Variants in GPATCH2 observed in about 807,000 individuals in gnomAD.
GPATCH2 encodes G patch domain-containing protein 2.
In GPATCH2, 51 loss-of-function variants were observed where a neutral mutation model predicts 58.0. That is an observed-to-expected ratio of 0.88 (90% CI 0.70 to 1.11). The LOEUF is 1.11. Ranked by LOEUF, GPATCH2 falls within the 50% of genes most tolerant of loss-of-function variation. GPATCH2 has a pLI of 0.00. For missense variants in GPATCH2, 625 were observed against 652.2 expected, an observed-to-expected ratio of 0.96 and a Z score of 0.45; for synonymous variants, 222 against 218.5, an observed-to-expected ratio of 1.02 and a Z score of -0.14.
intron 8 of GPATCH2, among the ~76,000 whole-genome samples, chr1:217,474,584 C>T (rs1660888669): frequency 6.6e-6 from 1 of 152,174 alleles, no homozygotes; most frequent in East Asian, 1.9e-4. Context: ...GTGAGATGTC[C>T]TACATTCCAA....
intron 8 of GPATCH2, among the ~76,000 whole-genome samples, chr1:217,469,555 C>T (rs1353409474): frequency 6.6e-6 from 1 of 152,022 alleles, no homozygotes; most frequent in Non-Finnish European, 1.5e-5. Context: ...ACTCTTAAGA[C>T]ATTATCTTGC....
rs548474065 is a variant in GPATCH2 at position 217,510,723 on chromosome 1, C to T, written c.1166+4099G>A. Among the ~76,000 whole-genome samples the T allele has an allele frequency of 3.9e-5, 6 of 152,108 alleles. No individual in the cohort carries two copies. The South Asian group carries it at 6.2e-4, about 16-fold the overall frequency. ...AGTCATTTGATTATTTAAACACTTTCGGAGTTTTGTGCCCAAAGTCACAAA... is the reference window on the plus strand; with the variant it reads ...AGTCATTTGATTATTTAAACACTTTTGGAGTTTTGTGCCCAAAGTCACAAA... On this transcript the variant is annotated intron_variant, in intron 6 of 9. Transcript: ENST00000366935.
intron 1 of GPATCH2, among the ~76,000 whole-genome samples, chr1:217,623,553 T>G (rs184968928): frequency 5.3e-4 from 81 of 152,214 alleles, no homozygotes; most frequent in African/African-American, 1.9e-3. Context: ...TAGAATCTCA[T>G]GAAAACTGTG....
chr1:217,595,557 T>C (rs1010027369), intron 5 of GPATCH2, among the ~76,000 whole-genome samples: 1 of 151,928 alleles, frequency 6.6e-6, no homozygotes, highest in Non-Finnish European at 1.5e-5. Flanking sequence ...TGGAGTGCAA[T>C]GCTGCGATCT....
rs185307395 is a variant in GPATCH2, at chr1:217,461,962, C to T, written c.1278-12625G>A. 3.3e-5 allele frequency among the ~76,000 whole-genome samples: 5 copies of T among 152,112 alleles called. No homozygotes were observed. The East Asian group carries it at 7.7e-4, about 24-fold the overall frequency. On this transcript the variant is annotated intron_variant, in intron 8 of 9. Transcript: ENST00000366935. ...ACTGTAATAGCTAGGTGAGGTATCA[C>T]GAGGCTTGTGATAAGTACGTGAACA...
chr1:217,577,180 G>C (rs779910790), intron 5 of GPATCH2, among the ~76,000 whole-genome samples: 1 of 152,088 alleles, frequency 6.6e-6, no homozygotes, highest in Non-Finnish European at 1.5e-5. Context: ...ATAATAAAAG[G>C]CTTTAAAAAT....
intron 8 of GPATCH2, among the ~76,000 whole-genome samples, chr1:217,457,477 A>G (rs1659996591): frequency 6.6e-6 from 1 of 152,176 alleles, no homozygotes; most frequent in African/African-American, 2.4e-5. Context: ...TACTCTTACT[A>G]TTATTATCAT....
intron 8 of GPATCH2, among the ~76,000 whole-genome samples, chr1:217,457,387 T>A (rs1659991554): frequency 6.6e-6 from 1 of 152,224 alleles, no homozygotes; most frequent in South Asian, 2.1e-4. Flanking sequence ...ATTAAACTAA[T>A]GCTTACCTCA....
intron 5 of GPATCH2, among the ~76,000 whole-genome samples, chr1:217,555,425 T>A (rs1389645793): frequency 6.6e-6 from 1 of 152,194 alleles, no homozygotes; most frequent in Non-Finnish European, 1.5e-5. Context: ...GGCTAAAATG[T>A]CAGCTTGAGC....
At chr1:217,628,097 A>G (rs1669550099) in intron 1 of GPATCH2, among the ~76,000 whole-genome samples, 1 of 152,082 alleles carries the variant, frequency 6.6e-6, no homozygotes, top group African/African-American at 2.4e-5. Flanking sequence ...AATTCCTATA[A>G]CAGGAATGAG....
At chr1:217,496,093 C>G (rs1558434210) in intron 7 of GPATCH2, among the ~76,000 whole-genome samples, 1 of 152,104 alleles carries the variant, frequency 6.6e-6, no homozygotes, top group African/African-American at 2.4e-5. Context: ...CCACTTGCAC[C>G]TGACTTTAGA....
chr1:217,453,774 T>C (rs1056965961), intron 8 of GPATCH2, among the ~76,000 whole-genome samples: 1 of 152,160 alleles, frequency 6.6e-6, no homozygotes, highest in African/African-American at 2.4e-5. Flanking sequence ...AAGCAGGCAG[T>C]GTCAGACGCA....
At chr1:217,472,676 T>C (rs916191792) in intron 8 of GPATCH2, among the ~76,000 whole-genome samples, 10 of 152,278 alleles carry the variant, frequency 6.6e-5, no homozygotes, top group African/African-American at 2.2e-4. Flanking sequence ...TGAGAAACAA[T>C]GTGACATTAT....
chr1:217,517,212 C>T (rs1473963648), intron 5 of GPATCH2, among the ~76,000 whole-genome samples: 1 of 152,104 alleles, frequency 6.6e-6, no homozygotes, highest in East Asian at 1.9e-4. Flanking sequence ...GTACATGATC[C>T]CTTTAAGAAA....
At chr1:217,438,853 C>T (rs973142623) in intron 9 of GPATCH2, among the ~76,000 whole-genome samples, 4 of 151,750 alleles carry the variant, frequency 2.6e-5, no homozygotes, top group East Asian at 1.9e-4. Context: ...CCTGTCTTCT[C>T]GCTGCCAGAT....
intron 5 of GPATCH2, among the ~76,000 whole-genome samples, chr1:217,533,061 C>T (rs1664281216): frequency 6.6e-6 from 1 of 151,010 alleles, no homozygotes; most frequent in African/African-American, 2.4e-5. Context: ...ACCATGCCCA[C>T]CTGGCTAATT....
At chr1:217,521,130 G>C (rs1445825553) in intron 5 of GPATCH2, among the ~76,000 whole-genome samples, 1 of 152,176 alleles carries the variant, frequency 6.6e-6, no homozygotes, top group Non-Finnish European at 1.5e-5. Flanking sequence ...ACAGGCATGA[G>C]CTACAGTGTC....
intron 9 of GPATCH2, 81 bp downstream of exon 9, chr1:217,449,168 A>G (rs376971544): frequency 1.3e-6 from 1 of 794,476 alleles, no homozygotes. Flanking sequence ...ATTGCAAGTG[A>G]TTAAGAAGTA....
At chr1:217,457,434 T>G (rs1231206609) in intron 8 of GPATCH2, among the ~76,000 whole-genome samples, 1 of 152,224 alleles carries the variant, frequency 6.6e-6, no homozygotes, top group Admixed American at 6.5e-5. Context: ...GTAAAACATT[T>G]TAGCACGTAT....
Sources: allele counts gnomAD v4.1 joint callset (sites outside exome capture counted in the v4.1 genomes callset), GRCh38; gene constraint gnomAD v4.1.1; transcripts MANE v1.5; gene names NCBI Gene and HGNC (gene_info 2026-07-23, HGNC 2026-07-21).